Variants in ARSG observed in about 807,000 individuals in gnomAD.
ARSG encodes the protein ASG.
Under a neutral mutation model 50.5 loss-of-function variants are expected in ARSG, and 37 were observed. The observed-to-expected ratio is 0.73, with a 90% CI of 0.56 to 0.96. The LOEUF is 0.96. Among genes scored for constraint, ARSG ranks in the 50% least tolerant of loss-of-function variants. The probability of loss-of-function intolerance (pLI) is 0.00; values close to 1 mark genes in which losing one functional copy is unlikely to be tolerated. For missense variants in ARSG, 629 were observed against 675.3 expected (o/e 0.93, Z 0.76); for synonymous variants, 225 against 254.6 (o/e 0.88, Z 1.11).
chr17:68,347,777 G>T (rs748866215), intron 4 of ARSG, among the ~76,000 whole-genome samples: 10 of 152,174 alleles, frequency 6.6e-5, no homozygotes, highest in Non-Finnish European at 1.2e-4. Context: ...ATAGGAAGCC[G>T]TGGACTTTCT....
chr17:68,405,086 T>C (rs1187182357), intron 11 of ARSG, among the ~76,000 whole-genome samples: 1 of 152,052 alleles, frequency 6.6e-6, no homozygotes, highest in Non-Finnish European at 1.5e-5. Context: ...ACTGTAGACT[T>C]GTTGCAGTTT....
chr17:68,352,653 G>A (rs868474183), intron 5 of ARSG, among the ~76,000 whole-genome samples: 3 of 152,048 alleles, frequency 2.0e-5, no homozygotes, highest in Non-Finnish European at 2.9e-5. Flanking sequence ...AGGATTACAG[G>A]TACCCACTAC....
At chr17:68,272,877 T>A in intron 1 of ARSG, 1 of 1,330,352 alleles carries the variant, frequency 7.5e-7, no homozygotes, top group Non-Finnish European at 1.0e-6. Flanking sequence ...TCTTAAGTTC[T>A]AGGAGCCAAG....
chr17:68,343,827 G>A (rs2078384593), intron 3 of ARSG, 36 bp downstream of exon 3: 2 of 1,571,688 alleles, frequency 1.3e-6, no homozygotes, highest in South Asian at 2.3e-5. Context: ...TGCATTTACT[G>A]CAGTGGCAGC....
At chr17:68,269,427 C>G in intron 1 of ARSG, 1 of 1,289,816 alleles carries the variant, frequency 7.8e-7, no homozygotes, top group South Asian at 1.5e-5. Context: ...CATTCAGAAG[C>G]CTCTCAGTTT....
chr17:68,352,120 G>T, intron 5 of ARSG, among the ~76,000 whole-genome samples: 1 of 38,112 alleles, frequency 2.6e-5, no homozygotes, highest in South Asian at 9.2e-4. Context: ...AGAGACAGAG[G>T]AGAGAGAGAG....
rs149591104 is a variant in ARSG, at chr17:68,319,739, G to A, written c.218+12028G>A. On this transcript the variant is annotated intron_variant, in intron 2 of 11. Coordinates refer to ENST00000621439, the MANE Select transcript of ARSG (RefSeq NM_001267727.2). ...CAGCTCTGCCCTTAAGGGACCGATGGCCTGATGGCAAATAAAGACAAGAAA... is the reference window on the plus strand; with the variant it reads ...CAGCTCTGCCCTTAAGGGACCGATGACCTGATGGCAAATAAAGACAAGAAA... Among the ~76,000 whole-genome samples the A allele has an allele frequency of 5.9e-5, 9 of 152,300 alleles. No individual in the cohort carries two copies. In the East Asian group the frequency reaches 1.5e-3, roughly 26 times the overall value.
chr17:68,347,444 C>T (rs1193100678), intron 4 of ARSG, among the ~76,000 whole-genome samples: 2 of 152,126 alleles, frequency 1.3e-5, no homozygotes, highest in South Asian at 2.1e-4. Flanking sequence ...TGCCATCTCT[C>T]GGTTCTTTAC....
intron 5 of ARSG, among the ~76,000 whole-genome samples, chr17:68,352,938 C>T (rs950166491): frequency 1.3e-5 from 2 of 152,130 alleles, no homozygotes; most frequent in Admixed American, 1.3e-4. Context: ...GCACAAAACA[C>T]GTGTTCCCTT....
At chr17:68,263,336 G>T (rs2075103108) in intron 1 of ARSG, among the ~76,000 whole-genome samples, 1 of 152,154 alleles carries the variant, frequency 6.6e-6, no homozygotes, top group Non-Finnish European at 1.5e-5. Context: ...TAGGACACAT[G>T]CAATATAAAC....
chr17:68,403,309 C>T (rs1374919255), intron 11 of ARSG, among the ~76,000 whole-genome samples: 2 of 152,156 alleles, frequency 1.3e-5, no homozygotes, highest in Non-Finnish European at 2.9e-5. Flanking sequence ...TGGAATCAGA[C>T]ATGTTACTAT....
the ARSG span, among the ~76,000 whole-genome samples, chr17:68,444,920 T>G: frequency 7.0e-6 from 1 of 141,864 alleles, no homozygotes; most frequent in East Asian, 2.0e-4. Context: ...GAACACTTTT[T>G]TTTTTTTTTT....
chr17:68,447,629 G>C, the ARSG span, among the ~76,000 whole-genome samples: 1 of 152,094 alleles, frequency 6.6e-6, no homozygotes, highest in Non-Finnish European at 1.5e-5. Flanking sequence ...GGGCTCAAGC[G>C]ATCCTCCTGC....
At chr17:68,300,126 C>A (rs181331131) in intron 1 of ARSG, among the ~76,000 whole-genome samples, 3 of 152,058 alleles carry the variant, frequency 2.0e-5, no homozygotes, top group African/African-American at 7.2e-5. Flanking sequence ...GTTGTTGTTG[C>A]AGAGAGATGG....
intron 2 of ARSG, among the ~76,000 whole-genome samples, chr17:68,341,578 T>A (rs1291144213): frequency 6.6e-6 from 1 of 152,216 alleles, no homozygotes; most frequent in Non-Finnish European, 1.5e-5. Flanking sequence ...CAGTTCTTTC[T>A]CCGTATCTCA....
rs549592265 is a variant in ARSG at position 68,346,934 on chromosome 17, A to C, written c.407-191A>C. On this transcript the variant is annotated intron_variant, in intron 3 of 11. Transcript: ENST00000621439. ...CCGTGTGAGTCTGGGGTCATCCTTT[A>C]TGTGTCCCTGTGGACACCGTCTCGG... is the stretch of plus-strand genomic sequence containing the variant. 6.4e-5 allele frequency: 97 copies of C among 1,506,064 alleles called. No individual in the cohort carries two copies. In the South Asian group the frequency reaches 1.0e-3, roughly 16 times the overall value. The allele number at this position is 1,506,064 out of a possible 1,614,324, so 93.3% of individuals were successfully genotyped here. A position where few individuals can be genotyped will look rare whatever the true frequency, so the allele number is the denominator to read the frequency against.
intron 9 of ARSG, among the ~76,000 whole-genome samples, chr17:68,386,582 G>T (rs374307641): frequency 6.6e-6 from 1 of 152,132 alleles, no homozygotes. Flanking sequence ...TGCTGTCAGC[G>T]GGTACCAGCA....
chr17:68,450,064 G>T, the ARSG span, among the ~76,000 whole-genome samples: 2 of 152,100 alleles, frequency 1.3e-5, no homozygotes, highest in Non-Finnish European at 2.9e-5. Flanking sequence ...AAGGAAATCT[G>T]CTAACACCCC....
intron 1 of ARSG, chr17:68,273,966 C>T (rs148963790): frequency 5.0e-6 from 8 of 1,614,066 alleles, no homozygotes; most frequent in African/African-American, 1.3e-5. Context: ...TGAGAAACCT[C>T]TTGTGAGAAG....
Sources: gnomAD v4.1 joint callset for allele counts (sites outside exome capture counted in the v4.1 genomes callset) on GRCh38, gnomAD v4.1.1 for gene constraint, MANE v1.5 for transcripts, NCBI Gene and HGNC (gene_info 2026-07-23, HGNC 2026-07-21) for gene names.